The following COL25A1 variants were observed in gnomAD, a reference collection of about 807,000 sequenced individuals.
COL25A1 encodes the protein collagen type XXV alpha 1 chain.
In COL25A1, 103 loss-of-function variants were observed where a neutral mutation model predicts 128.4. The ratio of observed to expected loss-of-function variants is 0.80; its 90% confidence interval spans 0.68 to 0.94. The LOEUF (loss-of-function observed/expected upper bound fraction) is 0.94. COL25A1 is among the 40% of genes least tolerant of loss of function. The probability of loss-of-function intolerance (pLI) is 0.00; values close to 1 mark genes in which losing one functional copy is unlikely to be tolerated. For missense variants in COL25A1, 745 were observed against 840.0 expected, an observed-to-expected ratio of 0.89 and a Z score of 1.40; for synonymous variants, 279 against 277.2, an observed-to-expected ratio of 1.01 and a Z score of -0.06.
At chr4:108,892,012 G>A (rs1320454074) in intron 16 of COL25A1, among the ~76,000 whole-genome samples, 1 of 151,788 alleles carries the variant, frequency 6.6e-6, no homozygotes, top group African/African-American at 2.4e-5. Context: ...TAAAGACTTA[G>A]AACTGTGAAA....
At chr4:109,169,112 T>C (rs886353322) in intron 3 of COL25A1, among the ~76,000 whole-genome samples, 1 of 152,194 alleles carries the variant, frequency 6.6e-6, no homozygotes, top group African/African-American at 2.4e-5. Context: ...AGTGTCCTTA[T>C]ATAAATATAT....
At chr4:108,976,107 T>C (rs1272277113) in intron 6 of COL25A1, among the ~76,000 whole-genome samples, 26 of 152,200 alleles carry the variant, frequency 1.7e-4, no homozygotes, top group Admixed American at 1.7e-3. Flanking sequence ...CCTTTTTATA[T>C]TCCACTTAAG....
chr4:109,102,252 A>G (rs1049720776), intron 3 of COL25A1, among the ~76,000 whole-genome samples: 1 of 152,098 alleles, frequency 6.6e-6, no homozygotes, highest in Non-Finnish European at 1.5e-5. Flanking sequence ...ATATATATTT[A>G]ATTACTCTTG....
intron 3 of COL25A1, among the ~76,000 whole-genome samples, chr4:109,230,488 A>C (rs1779094587): frequency 6.6e-6 from 1 of 152,198 alleles, no homozygotes; most frequent in Admixed American, 6.5e-5. Context: ...TATTTTATTA[A>C]AAATGTATAA....
At chr4:109,005,858 T>C (rs948165610) in intron 6 of COL25A1, among the ~76,000 whole-genome samples, 5 of 152,172 alleles carry the variant, frequency 3.3e-5, no homozygotes, top group Admixed American at 6.5e-5. Context: ...GCTAACAGCA[T>C]GTGCTAGGGA....
chr4:109,201,125 G>A (rs533232727), intron 3 of COL25A1, among the ~76,000 whole-genome samples: 1 of 152,056 alleles, frequency 6.6e-6, no homozygotes, highest in Non-Finnish European at 1.5e-5. Flanking sequence ...CATTCAATCA[G>A]TTCCCAAATC....
chr4:108,928,939 G>T (rs1746407288), intron 11 of COL25A1, among the ~76,000 whole-genome samples: 1 of 152,148 alleles, frequency 6.6e-6, no homozygotes, highest in South Asian at 2.1e-4. Context: ...CTGAAATCAG[G>T]TGAACTGGAT....
intron 12 of COL25A1, 85 bp from the exon 13 acceptor site, chr4:108,918,301 C>A: frequency 2.2e-6 from 2 of 920,870 alleles, no homozygotes; most frequent in South Asian, 2.0e-5. Flanking sequence ...TTATGTAAGC[C>A]TTGCTAAAAC....
intron 15 of COL25A1, among the ~76,000 whole-genome samples, chr4:108,898,904 T>G (rs1003478368): frequency 6.6e-6 from 1 of 152,186 alleles, no homozygotes; most frequent in Non-Finnish European, 1.5e-5. Flanking sequence ...ACCCAAATTT[T>G]TGTCTATACA....
chr4:108,857,476 AT>A (rs1157568214), intron 24 of COL25A1, among the ~76,000 whole-genome samples: 1 of 151,630 alleles, frequency 6.6e-6, no homozygotes, highest in Non-Finnish European at 1.5e-5. Context: ...TCCAAGCAAC[AT>A]TTCTCCAAGC....
At chr4:109,227,554 C>T (rs1356255094) in intron 3 of COL25A1, among the ~76,000 whole-genome samples, 1 of 151,312 alleles carries the variant, frequency 6.6e-6, no homozygotes, top group Non-Finnish European at 1.5e-5. Context: ...CTGGTTATTG[C>T]TCAGCCATTG....
At position 109,186,512 on chromosome 4, in the gene COL25A1, C is replaced by G. The variant is rs546822963; in HGVS notation, c.367+114071G>C. ...ATTGTATGCTTCCTATAAAAGCATCCCAACACAACTTTTTTTTAAAGCATC... is the reference window on the plus strand; with the variant it reads ...ATTGTATGCTTCCTATAAAAGCATCGCAACACAACTTTTTTTTAAAGCATC... On this transcript the variant is annotated intron_variant, in intron 3 of 37. Transcript: ENST00000399132. Among the ~76,000 whole-genome samples the G allele has an allele frequency of 2.0e-5, 3 of 152,152 alleles. No individual in the cohort carries two copies. In the South Asian group the frequency reaches 6.2e-4, roughly 32 times the overall value.
intron 3 of COL25A1, among the ~76,000 whole-genome samples, chr4:109,237,858 C>A (rs1779577656): frequency 6.6e-6 from 1 of 152,008 alleles, no homozygotes; most frequent in Non-Finnish European, 1.5e-5. Context: ...CCTTGGCAAC[C>A]ACTTTGTCTC....
At chr4:108,871,329 T>C (rs190871633) in intron 19 of COL25A1, among the ~76,000 whole-genome samples, 20 of 152,358 alleles carry the variant, frequency 1.3e-4, no homozygotes, top group Admixed American at 1.2e-3. Flanking sequence ...TTTATTTATT[T>C]ATTTTTTTGA....
intron 3 of COL25A1, among the ~76,000 whole-genome samples, chr4:109,146,578 T>C (rs1770963212): frequency 6.6e-6 from 1 of 152,240 alleles, no homozygotes; most frequent in South Asian, 2.1e-4. Context: ...TAGAACTTCC[T>C]GCTCTTTTCT....
intron 6 of COL25A1, among the ~76,000 whole-genome samples, chr4:108,978,251 G>A (rs1033938140): frequency 6.6e-6 from 1 of 152,232 alleles, no homozygotes; most frequent in Non-Finnish European, 1.5e-5. Flanking sequence ...CAACCTCCAT[G>A]CACAGCTGCA....
chr4:109,007,388 C>A (rs560886294), intron 6 of COL25A1, among the ~76,000 whole-genome samples: 4 of 152,114 alleles, frequency 2.6e-5, no homozygotes. Context: ...AGAAATGATA[C>A]ATGTAGTAGA....
chr4:109,231,756 A>C (rs6817850), intron 3 of COL25A1, among the ~76,000 whole-genome samples: 55 of 152,154 alleles, frequency 3.6e-4, no homozygotes, highest in African/African-American at 9.9e-4. Context: ...GGAAATGCGC[A>C]ACCTTGCAAT....
chr4:109,164,896 T>C (rs1772921474), intron 3 of COL25A1, among the ~76,000 whole-genome samples: 1 of 152,206 alleles, frequency 6.6e-6, no homozygotes, highest in African/African-American at 2.4e-5. Context: ...TGCTTTTCTA[T>C]AATTTGCTTA....
Sources: allele counts gnomAD v4.1 joint callset (sites outside exome capture counted in the v4.1 genomes callset), GRCh38; gene constraint gnomAD v4.1.1; transcripts MANE v1.5; gene names NCBI Gene and HGNC (gene_info 2026-07-23, HGNC 2026-07-21).